CDK14: variants seen among roughly 807,000 people sequenced by gnomAD.
The protein encoded by CDK14 is cyclin dependent kinase 14.
In CDK14, 34 loss-of-function variants were observed where a neutral mutation model predicts 60.7. The ratio of observed to expected loss-of-function variants is 0.56; its 90% confidence interval spans 0.43 to 0.75. The LOEUF (loss-of-function observed/expected upper bound fraction) is 0.75, where lower values mean the gene tolerates loss of function less well. Ranked by LOEUF, CDK14 falls within the 30% of genes least tolerant of loss-of-function variation. The pLI, the probability that CDK14 is intolerant of heterozygous loss-of-function variation, is 0.00. For missense variants in CDK14, 482 were observed against 564.1 expected (o/e 0.85, Z 1.47); for synonymous variants, 197 against 203.7 (o/e 0.97, Z 0.28).
chr7:90,722,902 A>G (rs1802508256), intron 2 of CDK14, among the ~76,000 whole-genome samples: 1 of 152,184 alleles, frequency 6.6e-6, no homozygotes, highest in Non-Finnish European at 1.5e-5. Flanking sequence ...AGAATTTCTA[A>G]TTGGAGTTCC....
intron 6 of CDK14, among the ~76,000 whole-genome samples, chr7:90,894,127 C>T (rs529751355): frequency 5.9e-5 from 9 of 152,170 alleles, no homozygotes; most frequent in African/African-American, 2.2e-4. Context: ...CATCATGAAT[C>T]ATCATCACCT....
chr7:90,643,966 C>T (rs1490059399), intron 2 of CDK14, among the ~76,000 whole-genome samples: 2 of 152,010 alleles, frequency 1.3e-5, no homozygotes, highest in African/African-American at 2.4e-5. Context: ...GCGCCAGTCT[C>T]CAATGTGACT....
chr7:90,874,819 C>A (rs910262114), intron 6 of CDK14, among the ~76,000 whole-genome samples: 11 of 151,970 alleles, frequency 7.2e-5, no homozygotes, highest in African/African-American at 2.7e-4. Flanking sequence ...TGAGCCACCG[C>A]GCCCGGCCTC....
Position 90,825,800 on chromosome 7 carries a change from G to A in CDK14, c.544+35148G>A, listed in dbSNP as rs1043828166. Among the ~76,000 whole-genome samples the A allele has an allele frequency of 7.2e-5, 11 of 152,196 alleles. No individual in the cohort carries two copies. In the South Asian group the frequency reaches 8.3e-4, roughly 11 times the overall value. ...AATTCTGACCAACAATTTCTGTATC[G>A]TAGATCTACTTATTATTTAAAACTT... On this transcript the variant is annotated intron_variant, in intron 5 of 14. Transcript: ENST00000380050.
At chr7:91,111,493 CT>C (rs1253381615) in intron 12 of CDK14, among the ~76,000 whole-genome samples, 1 of 152,122 alleles carries the variant, frequency 6.6e-6, no homozygotes, top group Admixed American at 6.6e-5. Context: ...TGGGAAATGC[CT>C]TTAAAATAAC....
chr7:91,007,315 T>G (rs1474819367), intron 10 of CDK14, among the ~76,000 whole-genome samples: 1 of 152,170 alleles, frequency 6.6e-6, no homozygotes, highest in African/African-American at 2.4e-5. Flanking sequence ...GTTTTCAATC[T>G]TAGATAATTT....
At position 91,208,505 on chromosome 7, in the gene CDK14, C is replaced by G. The variant is rs1189822013; in HGVS notation, c.*1369C>G. 2 of 152,242 alleles carry G rather than the reference C, an allele frequency of 1.3e-5. No individual in the cohort carries two copies. Among genetic ancestry groups the G allele is most frequent in the African/African-American group, 2.4e-5 (1 of 41,456 alleles). The allele number at this position is 152,242 out of a possible 1,614,324, so 9.4% of individuals were successfully genotyped here. On this transcript the variant is annotated 3_prime_UTR_variant, in exon 15 of 15. Coordinates refer to ENST00000380050, the MANE Select transcript of CDK14 (RefSeq NM_001287135.2). ...GGAGACTTCATCTAAAGCATGAAACCTAGCTCCTCTACACACAAATTCCTA... is the reference window on the plus strand; with the variant it reads ...GGAGACTTCATCTAAAGCATGAAACGTAGCTCCTCTACACACAAATTCCTA...
chr7:90,803,325 A>C (rs1402296375), intron 5 of CDK14, among the ~76,000 whole-genome samples: 2 of 152,174 alleles, frequency 1.3e-5, no homozygotes, highest in Non-Finnish European at 1.5e-5. Context: ...AGTTCAGATT[A>C]TGCAGTGTTA....
At chr7:91,199,147 T>C (rs1225804998) in intron 14 of CDK14, among the ~76,000 whole-genome samples, 1 of 152,122 alleles carries the variant, frequency 6.6e-6, no homozygotes, top group Non-Finnish European at 1.5e-5. Context: ...GCTGAGCAAA[T>C]AAGGCTTCAA....
At chr7:90,707,573 A>G (rs1436072892) in intron 2 of CDK14, among the ~76,000 whole-genome samples, 1 of 152,184 alleles carries the variant, frequency 6.6e-6, no homozygotes, top group Non-Finnish European at 1.5e-5. Flanking sequence ...GCAACTTCAT[A>G]TAGGATAAAA....
At chr7:91,185,093 CTGTTT>C (rs1302315620) in intron 14 of CDK14, among the ~76,000 whole-genome samples, 2 of 149,294 alleles carry the variant, frequency 1.3e-5, no homozygotes, top group African/African-American at 5.0e-5. Flanking sequence ...TATTCAATTA[CTGTTT>C]ATTGAGTATC....
chr7:90,753,041 A>G (rs779586183), intron 4 of CDK14, among the ~76,000 whole-genome samples: 5 of 152,200 alleles, frequency 3.3e-5, no homozygotes, highest in Non-Finnish European at 7.3e-5. Flanking sequence ...AGATTGTCTC[A>G]TAGCCAAGTT....
At chr7:91,044,124 A>G (rs753555214) in intron 10 of CDK14, among the ~76,000 whole-genome samples, 5 of 152,112 alleles carry the variant, frequency 3.3e-5, no homozygotes, top group Admixed American at 6.5e-5. Context: ...TCTTGAGAAC[A>G]TGTGCCCAAG....
chr7:91,111,266 C>A (rs552896857), intron 12 of CDK14, among the ~76,000 whole-genome samples: 1 of 152,276 alleles, frequency 6.6e-6, no homozygotes, highest in African/African-American at 2.4e-5. Context: ...CCATCCCCAA[C>A]AATTTGAAAT....
chr7:90,719,227 C>T (rs755258493), intron 2 of CDK14, among the ~76,000 whole-genome samples: 15 of 152,124 alleles, frequency 9.9e-5, no homozygotes, highest in African/African-American at 2.7e-4. Flanking sequence ...TACAGCCTGA[C>T]GCATGATACA....
Position 90,954,806 on chromosome 7 carries a change from T to C in CDK14, c.827-891T>C, listed in dbSNP as rs1461381967. On this transcript the variant is annotated intron_variant, in intron 8 of 14. Coordinates refer to ENST00000380050, the MANE Select transcript of CDK14 (RefSeq NM_001287135.2). ...CGCCCGGCTAATTTTTTTGTATTTTTAGTAGAGACGGGGTTTCACCGGTTT... is the reference window on the plus strand; with the variant it reads ...CGCCCGGCTAATTTTTTTGTATTTTCAGTAGAGACGGGGTTTCACCGGTTT... Among the ~76,000 whole-genome samples, 2 of 22,288 alleles carry C rather than the reference T, an allele frequency of 9.0e-5. 1 individual carries two copies. Among genetic ancestry groups the C allele is most frequent in the East Asian group, 1.6e-3 (2 of 1,280 alleles). The allele number at this position is 22,288 out of a possible 152,430, so 14.6% of individuals were successfully genotyped here. A position where few individuals can be genotyped will look rare whatever the true frequency, so the allele number is the denominator to read the frequency against.
intron 9 of CDK14, among the ~76,000 whole-genome samples, chr7:90,963,320 G>C (rs1223702929): frequency 6.6e-6 from 1 of 151,860 alleles, no homozygotes; most frequent in Non-Finnish European, 1.5e-5. Context: ...GGAGGCTGAT[G>C]TGGGAAGACA....
chr7:91,139,005 C>T (rs1028898541), intron 14 of CDK14, among the ~76,000 whole-genome samples: 1 of 152,222 alleles, frequency 6.6e-6, no homozygotes, highest in African/African-American at 2.4e-5. Flanking sequence ...AGACATCATT[C>T]GAGGTCAGTG....
At chr7:90,716,019 C>T (rs1318844548) in intron 2 of CDK14, among the ~76,000 whole-genome samples, 1 of 151,968 alleles carries the variant, frequency 6.6e-6, no homozygotes, top group African/African-American at 2.4e-5. Context: ...ATTCTGCACT[C>T]CTGACTCTGT....
Sources: allele counts gnomAD v4.1 joint callset (sites outside exome capture counted in the v4.1 genomes callset), GRCh38; gene constraint gnomAD v4.1.1; transcripts MANE v1.5; gene names NCBI Gene and HGNC (gene_info 2026-07-23, HGNC 2026-07-21).